CSMD3: variants seen among roughly 807,000 people sequenced by gnomAD.
CSMD3 encodes the protein CUB and Sushi multiple domains 3, also known as CUB and sushi domain-containing protein 3.
In CSMD3, 177 loss-of-function variants were observed where a neutral mutation model predicts 435.2. That is an observed-to-expected ratio of 0.41 (90% CI 0.36 to 0.46). The LOEUF (loss-of-function observed/expected upper bound fraction) is 0.46, where lower values mean the gene tolerates loss of function less well. Among genes scored for constraint, CSMD3 ranks in the 20% least tolerant of loss-of-function variants. CSMD3 has a pLI of 0.34. For missense variants in CSMD3, 4,265 were observed against 4,504.6 expected (o/e 0.95, Z 1.52); for synonymous variants, 1,656 against 1,520.5 (o/e 1.09, Z -2.07).
At chr8:113,352,096 A>G (rs975525730) in intron 1 of CSMD3, among the ~76,000 whole-genome samples, 1 of 152,146 alleles carries the variant, frequency 6.6e-6, no homozygotes, top group Non-Finnish European at 1.5e-5. Context: ...TTGCTACACA[A>G]TATCACTTGC....
intron 38 of CSMD3, among the ~76,000 whole-genome samples, chr8:112,357,757 T>C (rs1296758987): frequency 6.6e-6 from 1 of 152,160 alleles, no homozygotes; most frequent in East Asian, 1.9e-4. Context: ...AACCTCTGCC[T>C]AGATTTCAGA....
intron 35 of CSMD3, among the ~76,000 whole-genome samples, chr8:112,394,366 C>T (rs530002239): frequency 1.3e-5 from 2 of 152,082 alleles, no homozygotes; most frequent in East Asian, 3.9e-4. Flanking sequence ...TTCTACTCCA[C>T]ATCTCCCTAC....
At chr8:112,531,781 A>C (rs1033870544) in intron 27 of CSMD3, among the ~76,000 whole-genome samples, 1 of 152,182 alleles carries the variant, frequency 6.6e-6, no homozygotes, top group Admixed American at 6.5e-5. Context: ...TGAAAACTGG[A>C]ATAAATAACT....
At chr8:113,203,600 A>T (rs1476729657) in intron 3 of CSMD3, among the ~76,000 whole-genome samples, 3 of 151,894 alleles carry the variant, frequency 2.0e-5, no homozygotes, top group Non-Finnish European at 4.4e-5. Flanking sequence ...AATATAATTA[A>T]ATATATAATT....
chr8:113,049,349 C>G (rs1016806941), intron 5 of CSMD3, among the ~76,000 whole-genome samples: 2 of 151,810 alleles, frequency 1.3e-5, no homozygotes, highest in African/African-American at 4.8e-5. Context: ...GGCCCATATC[C>G]TAGACATTCC....
intron 1 of CSMD3, among the ~76,000 whole-genome samples, chr8:113,352,791 G>A (rs1317733739): frequency 1.3e-5 from 2 of 152,122 alleles, no homozygotes; most frequent in African/African-American, 4.8e-5. Context: ...GAATCAAGTG[G>A]TTCATAAAGA....
intron 31 of CSMD3, among the ~76,000 whole-genome samples, chr8:112,486,296 A>G (rs1820129840): frequency 6.6e-6 from 1 of 152,080 alleles, no homozygotes; most frequent in South Asian, 2.1e-4. Flanking sequence ...AGTCCTTTGC[A>G]GAATTAACCA....
At chr8:113,279,636 T>G (rs138580356) in intron 2 of CSMD3, among the ~76,000 whole-genome samples, 1 of 151,818 alleles carries the variant, frequency 6.6e-6, no homozygotes, top group South Asian at 2.1e-4. Context: ...AGATTTGTTT[T>G]GTTTTTTTAA....
intron 1 of CSMD3, among the ~76,000 whole-genome samples, chr8:113,404,399 T>G (rs2094523440): frequency 1.3e-5 from 2 of 151,322 alleles, no homozygotes; most frequent in African/African-American, 2.4e-5. Flanking sequence ...GGTAGGAATT[T>G]TATCCAGTTA....
intron 1 of CSMD3, among the ~76,000 whole-genome samples, chr8:113,390,808 A>G (rs2094458308): frequency 6.6e-6 from 1 of 151,986 alleles, no homozygotes; most frequent in Non-Finnish European, 1.5e-5. Flanking sequence ...TTACACATTT[A>G]TTCTAATCAT....
At chr8:113,407,504 A>T (rs1451190696) in intron 1 of CSMD3, among the ~76,000 whole-genome samples, 1 of 152,160 alleles carries the variant, frequency 6.6e-6, no homozygotes, top group Admixed American at 6.5e-5. Context: ...AATGAGCTAC[A>T]TCTAAAAGAT....
At chr8:113,378,762 A>AGTGTGTGTGTGTGTGTGTGTGTGTGT (rs5894145) in intron 1 of CSMD3, among the ~76,000 whole-genome samples, 7 of 148,270 alleles carry the variant, frequency 4.7e-5, no homozygotes, top group African/African-American at 1.5e-4. Flanking sequence ...GTCACACTGA[A>AGTGTGTGTGTGTGTGTGTGTGTGTGT]GTGTGTGTGT....
chr8:112,824,549 T>C (rs2132450558), intron 12 of CSMD3, among the ~76,000 whole-genome samples: 1 of 152,308 alleles, frequency 6.6e-6, no homozygotes, highest in East Asian at 1.9e-4. Context: ...GTTTTATTTC[T>C]CCTTTGCTTA....
chr8:112,464,492 ATAAT>A (rs1230511535), intron 32 of CSMD3, among the ~76,000 whole-genome samples: 2 of 152,090 alleles, frequency 1.3e-5, no homozygotes, highest in African/African-American at 2.4e-5. Context: ...ATTATGATTA[ATAAT>A]TAATATAAGT....
At chr8:112,983,972 A>G (rs1213850293) in intron 6 of CSMD3, among the ~76,000 whole-genome samples, 1 of 152,064 alleles carries the variant, frequency 6.6e-6, no homozygotes, top group Non-Finnish European at 1.5e-5. Flanking sequence ...CATTTTGTAG[A>G]GCATTTGGTA....
intron 41 of CSMD3, among the ~76,000 whole-genome samples, chr8:112,343,015 A>ATATATATATT (rs1476160810): frequency 6.5e-5 from 6 of 92,906 alleles, no homozygotes; most frequent in South Asian, 3.0e-4. Flanking sequence ...ATATATATAT[A>ATATATATATT]TTTATATATA....
chr8:112,802,893 T>A (rs2078993042), intron 12 of CSMD3, among the ~76,000 whole-genome samples: 1 of 152,032 alleles, frequency 6.6e-6, no homozygotes, highest in Admixed American at 6.6e-5. Flanking sequence ...GCATGGGTAA[T>A]CTGGACTCAA....
intron 4 of CSMD3, among the ~76,000 whole-genome samples, chr8:113,129,220 C>A (rs528418860): frequency 6.6e-6 from 1 of 152,114 alleles, no homozygotes; most frequent in Admixed American, 6.6e-5. Flanking sequence ...TCAGTGACTG[C>A]AGCTCAATAG....
At chr8:112,853,697 G>A (rs2080563903) in intron 11 of CSMD3, among the ~76,000 whole-genome samples, 1 of 152,106 alleles carries the variant, frequency 6.6e-6, no homozygotes, top group South Asian at 2.1e-4. Context: ...CAATCTAACA[G>A]GTATTTCAAA....
Sources: gnomAD v4.1 joint callset for allele counts (sites outside exome capture counted in the v4.1 genomes callset) on GRCh38, gnomAD v4.1.1 for gene constraint, MANE v1.5 for transcripts, NCBI Gene and HGNC (gene_info 2026-07-23, HGNC 2026-07-21) for gene names.